Variants in SLC47A2 observed in about 807,000 individuals in gnomAD.
The protein encoded by SLC47A2 is solute carrier family 47 member 2.
Under a neutral mutation model 67.7 loss-of-function variants are expected in SLC47A2, and 52 were observed. The ratio of observed to expected loss-of-function variants is 0.77; its 90% CI spans 0.61 to 0.97. The LOEUF (loss-of-function observed/expected upper bound fraction) is 0.97. Ranked by LOEUF, SLC47A2 falls within the 50% of genes least tolerant of loss-of-function variation. The pLI is 0.00. For missense variants in SLC47A2, 676 were observed against 712.3 expected (o/e 0.95, Z 0.58); for synonymous variants, 278 against 292.9 (o/e 0.95, Z 0.52).
chr17:19,700,774 A>AG (rs1156555215), intron 13 of SLC47A2, among the ~76,000 whole-genome samples: 2 of 151,454 alleles, frequency 1.3e-5, no homozygotes, highest in East Asian at 3.9e-4. Context: ...AAAAAAAAAA[A>AG]AAAAAAAGCA....
rs375501958 is a variant in SLC47A2, at chr17:19,716,584, C to T, written c.-29G>A. On this transcript the variant is annotated 5_prime_UTR_variant, in exon 1 of 17. It adds an upstream start codon to the 5' untranslated region. Coordinates refer to ENST00000433844, the MANE Select transcript of SLC47A2 (RefSeq NM_001099646.3). ...TGGCCGGGGCACTGGCTACCCTGCA[C>T]GCCTGAGCGCCTGCACGGCCAGCTT... The T allele has an allele frequency of 3.0e-5, 46 of 1,557,368 alleles. No homozygotes were observed. The highest frequency in any genetic ancestry group is 1.2e-4 in the Admixed American group (6 of 51,246).
At chr17:19,716,188 C>T in intron 1 of SLC47A2, 1 of 525,424 alleles carries the variant, frequency 1.9e-6, no homozygotes, top group Non-Finnish European at 3.2e-6. Flanking sequence ...AGCTGAGGCA[C>T]ACCCACCCCT....
rs147270108 is a variant in SLC47A2, at chr17:19,684,604, T to C, written c.1165-2934A>G. The stretch of plus-strand genomic sequence containing the variant: ...GGCCAGGCATGGTGGCTCACACCTG[T>C]AATCCCAGCACTTTGGGAGGCCAAG... On this transcript the variant is annotated intron_variant, in intron 13 of 16. Coordinates refer to ENST00000433844, the MANE Select transcript of SLC47A2 (RefSeq NM_001099646.3). Among the ~76,000 whole-genome samples, 308 of 151,122 alleles carry C rather than the reference T, an allele frequency of 2.0e-3. 1 individual carries two copies. Among genetic ancestry groups the C allele is most frequent in the Middle Eastern group, 3.4e-3 (1 of 294 alleles).
chr17:19,716,165 T>G, intron 1 of SLC47A2: 1 of 448,140 alleles, frequency 2.2e-6, no homozygotes, highest in East Asian at 3.9e-5. Context: ...AACTCAGGCT[T>G]TTGTGGGTTT....
intron 10 of SLC47A2, 117 bp from the exon 11 acceptor site, chr17:19,704,295 C>G (rs1024311677): frequency 1.3e-6 from 1 of 791,112 alleles, no homozygotes; most frequent in Non-Finnish European, 2.0e-6. Context: ...CTCAGGCATG[C>G]AGTGTAAGAG....
intron 15 of SLC47A2, among the ~76,000 whole-genome samples, chr17:19,680,742 A>T (rs1390368674): frequency 6.6e-6 from 1 of 151,886 alleles, no homozygotes; most frequent in Non-Finnish European, 1.5e-5. Context: ...GTCAAGGCAC[A>T]CGCTCGGGGG....
At chr17:19,714,920 C>G (rs2086209032) in intron 2 of SLC47A2, 131 bp from the exon 3 acceptor site, 1 of 1,374,774 alleles carries the variant, frequency 7.3e-7, no homozygotes, top group Admixed American at 1.7e-5. Flanking sequence ...TGCTCAGCAG[C>G]CTCATGTGCT....
At position 19,706,644 on chromosome 17, in the gene SLC47A2, G is replaced by A. The variant is rs777743427; in HGVS notation, c.841+4C>T. 7 of 1,589,012 alleles carry A rather than the reference G, an allele frequency of 4.4e-6. No homozygotes were observed. Among genetic ancestry groups the A allele is most frequent in the Admixed American group, 1.8e-5 (1 of 54,404 alleles). On this transcript the variant is annotated splice_donor_region_variant and intron_variant, in intron 9 of 16. Coordinates refer to ENST00000433844, the MANE Select transcript of SLC47A2 (RefSeq NM_001099646.3). ...CATTGCGCCCCCCATCCTCTTCCAC[G>A]TACCCATGAGGAAGCTCCCGATCTC... is the stretch of plus-strand genomic sequence containing the variant.
At chr17:19,681,711 A>G (rs773646413) in intron 13 of SLC47A2, 41 bp from the exon 14 acceptor site, 1 of 1,584,854 alleles carries the variant, frequency 6.3e-7, no homozygotes, top group Non-Finnish European at 8.6e-7. Context: ...CAGGATGATG[A>G]GACTAAGAGC....
At chr17:19,684,791 A>G (rs2085386570) in intron 13 of SLC47A2, among the ~76,000 whole-genome samples, 1 of 152,034 alleles carries the variant, frequency 6.6e-6, no homozygotes, top group South Asian at 2.1e-4. Context: ...ACATGCATCT[A>G]TTAAAAAAAC....
chr17:19,707,788 G>A lies in SLC47A2; in HGVS notation c.685C>T (p.Leu229Phe), dbSNP rs772443701. 1.3e-5 allele frequency: 21 copies of A among 1,603,770 alleles called. 1 individual carries two copies. In the East Asian group the frequency reaches 4.7e-4, roughly 36 times the overall value. ...SQFAQTVFLL[L>F]YIVLKKLHLE... ...TGCAGCTTCTTCAGCACAATGTAGA[G>A]AAGGAGGAAGACGGTCTGTGCAAAC... Residue 229 changes from leucine (L) to phenylalanine (F), a missense_variant, in exon 8 of 17, where the codon CTC (leucine) becomes TTC (phenylalanine). Leu to Phe is a conservative substitution (Grantham distance 22). Transcript: ENST00000433844.
intron 8 of SLC47A2, among the ~76,000 whole-genome samples, chr17:19,707,229 G>A (rs1032485718): frequency 3.9e-5 from 6 of 152,210 alleles, no homozygotes. Flanking sequence ...GGGGCCTGCA[G>A]AGCTGTTCCT....
At chr17:19,684,752 A>G (rs1318120167) in intron 13 of SLC47A2, among the ~76,000 whole-genome samples, 1 of 152,010 alleles carries the variant, frequency 6.6e-6, no homozygotes, top group Non-Finnish European at 1.5e-5. Flanking sequence ...TTAGTGTGAA[A>G]TCATTGAAAT....
chr17:19,704,607 C>T (rs938470990), intron 10 of SLC47A2: 75 of 1,476,724 alleles, frequency 5.1e-5, no homozygotes, highest in Non-Finnish European at 6.2e-5. Flanking sequence ...ATTTTTGTGA[C>T]TCCTTTGCTT....
upstream of SLC47A2, chr17:19,718,150 G>A (rs891799430): frequency 6.6e-6 from 1 of 152,362 alleles, no homozygotes; most frequent in African/African-American, 2.4e-5. Flanking sequence ...CTGCATCCAG[G>A]GGACCTGGGC....
In SLC47A2 at chr17:19,704,186, C is replaced by G. The variant is rs138599730; in HGVS notation, c.910-8G>C. The G allele has an allele frequency of 1.8e-5, 29 of 1,599,512 alleles. No homozygotes were observed. In the East Asian group the frequency reaches 5.6e-4, roughly 31 times the overall value. ...GCTGAGCCCCAAGGGAATCTGGGAT[C>G]AAAGATAAGAAAGCACTGTCAGTGG... On this transcript the variant is annotated splice_polypyrimidine_tract_variant and splice_region_variant and intron_variant, in intron 10 of 16. Coordinates refer to ENST00000433844, the MANE Select transcript of SLC47A2 (RefSeq NM_001099646.3).
intron 13 of SLC47A2, among the ~76,000 whole-genome samples, chr17:19,688,514 G>A (rs2085474384): frequency 6.6e-6 from 1 of 152,196 alleles, no homozygotes; most frequent in Non-Finnish European, 1.5e-5. Context: ...AGCTAGAGCA[G>A]ACAAGAGAAA....
rs755792069 is a variant in SLC47A2, at chr17:19,708,710, C to T, written c.531+6G>A. 1.2e-6 allele frequency: 2 copies of T among 1,613,986 alleles called. No homozygotes were observed. The highest frequency in any genetic ancestry group is 2.2e-5 in the South Asian group (2 of 91,074). ...AAGGGCCTCCCCACACACCAAAGAC[C>T]TGTACCTGATTTTGCAAATATTTTG... is the stretch of plus-strand genomic sequence containing the variant. On this transcript the variant is annotated splice_donor_region_variant and intron_variant, in intron 6 of 16. Coordinates refer to ENST00000433844, the MANE Select transcript of SLC47A2 (RefSeq NM_001099646.3).
At chr17:19,712,067 T>C (rs564914915) in intron 5 of SLC47A2, among the ~76,000 whole-genome samples, 1 of 152,262 alleles carries the variant, frequency 6.6e-6, no homozygotes, top group African/African-American at 2.4e-5. Context: ...ATGTGTGTGT[T>C]TGAATACACA....
Sources: gnomAD v4.1 joint callset for allele counts (sites outside exome capture counted in the v4.1 genomes callset) on GRCh38, gnomAD v4.1.1 for gene constraint, MANE v1.5 for transcripts, NCBI Gene and HGNC (gene_info 2026-07-23, HGNC 2026-07-21) for gene names.